GALNTL6: variants seen among roughly 807,000 people sequenced by gnomAD.
The protein encoded by GALNTL6 is polypeptide N-acetylgalactosaminyltransferase-like 6.
In GALNTL6, 46 loss-of-function variants were observed where a neutral mutation model predicts 73.7. That is an observed-to-expected ratio of 0.62 (90% CI 0.49 to 0.80). GALNTL6 has a LOEUF of 0.80. Ranked by LOEUF, GALNTL6 falls within the 30% of genes least tolerant of loss-of-function variation. GALNTL6 has a pLI of 0.00. For synonymous variants in GALNTL6, 259 were observed against 263.7 expected, an observed-to-expected ratio of 0.98 and a Z score of 0.17; for missense variants, 604 against 755.0, an observed-to-expected ratio of 0.80 and a Z score of 2.34.
chr4:172,381,227 AAGCTATTTCCTT>A, intron 5 of GALNTL6, among the ~76,000 whole-genome samples: 1 of 152,336 alleles, frequency 6.6e-6, no homozygotes, highest in Admixed American at 6.5e-5. Context: ...ATTTCCTTTA[AAGCTATTTCCTT>A]TTTACTTTTT....
At chr4:172,502,714 T>C (rs2110780794) in intron 5 of GALNTL6, among the ~76,000 whole-genome samples, 1 of 152,328 alleles carries the variant, frequency 6.6e-6, no homozygotes, top group East Asian at 1.9e-4. Context: ...CATAAAGAAG[T>C]ATTGAGCACT....
chr4:172,180,264 A>T (rs1312160089), intron 2 of GALNTL6, among the ~76,000 whole-genome samples: 1 of 152,136 alleles, frequency 6.6e-6, no homozygotes, highest in Non-Finnish European at 1.5e-5. Context: ...GTGTCTGTTC[A>T]TATCCTTTGC....
intron 5 of GALNTL6, among the ~76,000 whole-genome samples, chr4:172,577,028 C>G (rs1736981933): frequency 6.6e-6 from 1 of 152,154 alleles, no homozygotes; most frequent in East Asian, 1.9e-4. Flanking sequence ...GTCTCCACCT[C>G]TAGTCAGTGG....
At chr4:172,382,784 T>C (rs980645483) in intron 5 of GALNTL6, among the ~76,000 whole-genome samples, 5 of 152,132 alleles carry the variant, frequency 3.3e-5, no homozygotes, top group Non-Finnish European at 7.4e-5. Context: ...TTGTGTGAAA[T>C]AGGGGGTCCA....
intron 5 of GALNTL6, among the ~76,000 whole-genome samples, chr4:172,652,392 C>T (rs982083173): frequency 6.6e-6 from 1 of 152,100 alleles, no homozygotes; most frequent in Admixed American, 6.5e-5. Context: ...TTGCATTAGT[C>T]GAAGCCAAAA....
chr4:172,734,195 A>C (rs1311394562), intron 5 of GALNTL6, among the ~76,000 whole-genome samples: 1 of 152,210 alleles, frequency 6.6e-6, no homozygotes, highest in African/African-American at 2.4e-5. Context: ...AGAAATTTCT[A>C]AGCAGCATTG....
At chr4:172,966,256 T>G (rs1163742704) in intron 10 of GALNTL6, among the ~76,000 whole-genome samples, 1 of 152,196 alleles carries the variant, frequency 6.6e-6, no homozygotes. Flanking sequence ...GAGTGGCCTC[T>G]ACAGTGGCAA....
chr4:172,626,671 CT>C (rs1295101229), intron 5 of GALNTL6, among the ~76,000 whole-genome samples: 1 of 151,946 alleles, frequency 6.6e-6, no homozygotes, highest in Admixed American at 6.6e-5. Flanking sequence ...TCTCTGATTT[CT>C]TGCAGCAGTG....
At chr4:172,128,865 C>A (rs1733375811) in intron 2 of GALNTL6, among the ~76,000 whole-genome samples, 2 of 152,134 alleles carry the variant, frequency 1.3e-5, no homozygotes, top group Admixed American at 1.3e-4. Flanking sequence ...TCCTATGTGG[C>A]AGGGAAAGTA....
intron 2 of GALNTL6, among the ~76,000 whole-genome samples, chr4:172,003,551 C>A (rs1740742389): frequency 6.6e-6 from 1 of 152,086 alleles, no homozygotes; most frequent in East Asian, 1.9e-4. Context: ...TAGTCAAGGG[C>A]AGCTTTGTTC....
At chr4:171,975,778 A>G (rs773812705) in intron 2 of GALNTL6, among the ~76,000 whole-genome samples, 14 of 152,214 alleles carry the variant, frequency 9.2e-5, no homozygotes, top group Non-Finnish European at 1.3e-4. Context: ...ACAATTGACT[A>G]TAACTGTTAG....
intron 2 of GALNTL6, among the ~76,000 whole-genome samples, chr4:171,989,005 A>G (rs965288131): frequency 1.3e-5 from 2 of 152,060 alleles, no homozygotes; most frequent in Non-Finnish European, 2.9e-5. Flanking sequence ...TCTCGGCCTA[A>G]TAAGGGAACT....
At chr4:171,909,526 T>C (rs1020636623) in intron 2 of GALNTL6, among the ~76,000 whole-genome samples, 1 of 152,192 alleles carries the variant, frequency 6.6e-6, no homozygotes, top group East Asian at 1.9e-4. Flanking sequence ...CATAATGTTA[T>C]AGGACACAGA....
At chr4:172,419,498 T>C (rs993687094) in intron 5 of GALNTL6, among the ~76,000 whole-genome samples, 27 of 152,202 alleles carry the variant, frequency 1.8e-4, no homozygotes, top group Non-Finnish European at 2.4e-4. Flanking sequence ...ACATTTAATA[T>C]ATTTAGCATA....
intron 3 of GALNTL6, among the ~76,000 whole-genome samples, chr4:172,275,008 T>G (rs1348548258): frequency 6.6e-6 from 1 of 152,128 alleles, no homozygotes; most frequent in Non-Finnish European, 1.5e-5. Flanking sequence ...AATTAAAGTA[T>G]TGATTGAATT....
chr4:172,325,980 A>G lies in GALNTL6; in HGVS notation c.386+14228A>G, dbSNP rs143862106. Among the ~76,000 whole-genome samples, 304 of 152,028 alleles carry G rather than the reference A, an allele frequency of 2.0e-3. 1 individual carries two copies. The highest frequency in any genetic ancestry group is 6.9e-3 in the African/African-American group (286 of 41,570). ...TATCATAAGTTATGAAACAAATGTT[A>G]ATGAGTTGAAATCTTACAAAGTATA... On this transcript the variant is annotated intron_variant, in intron 4 of 12. Transcript: ENST00000506823.
At chr4:172,725,666 C>A (rs1249556636) in intron 5 of GALNTL6, among the ~76,000 whole-genome samples, 2 of 152,116 alleles carry the variant, frequency 1.3e-5, no homozygotes, top group Admixed American at 6.5e-5. Flanking sequence ...CTTAGAGTTT[C>A]TTGACAAATG....
chr4:172,543,956 A>T (rs1213571067), intron 5 of GALNTL6, among the ~76,000 whole-genome samples: 1 of 152,226 alleles, frequency 6.6e-6, no homozygotes, highest in Non-Finnish European at 1.5e-5. Flanking sequence ...TATGAAATAG[A>T]TACAACTACC....
chr4:171,832,198 ATAT>A (rs1046569074), intron 2 of GALNTL6, among the ~76,000 whole-genome samples: 40 of 151,508 alleles, frequency 2.6e-4, no homozygotes, highest in African/African-American at 9.7e-4. Flanking sequence ...TGTTTTTAAA[ATAT>A]TATCATTCAG....
Sources: allele counts gnomAD v4.1 joint callset (sites outside exome capture counted in the v4.1 genomes callset), GRCh38; gene constraint gnomAD v4.1.1; transcripts MANE v1.5; gene names NCBI Gene and HGNC (gene_info 2026-07-23, HGNC 2026-07-21).